Variants in KCND2 observed in about 807,000 individuals in gnomAD.
KCND2 encodes the protein A-type voltage-gated potassium channel KCND2.
In KCND2, 16 loss-of-function variants were observed where a neutral mutation model predicts 54.4. That is an observed-to-expected ratio of 0.29 (90% CI 0.20 to 0.45). The LOEUF is 0.45. Ranked by LOEUF, KCND2 falls within the 20% of genes least tolerant of loss-of-function variation. The pLI is 1.00. For synonymous variants in KCND2, 317 were observed against 310.7 expected (o/e 1.02, Z -0.21); for missense variants, 486 against 824.2 (o/e 0.59, Z 5.02).
intron 1 of KCND2, among the ~76,000 whole-genome samples, chr7:120,466,412 A>G (rs946146692): frequency 1.3e-5 from 2 of 152,142 alleles, no homozygotes; most frequent in Non-Finnish European, 2.9e-5. Flanking sequence ...AGCATAGCCA[A>G]TGATTCTTTT....
At chr7:120,393,557 A>G (rs1182503340) in intron 1 of KCND2, among the ~76,000 whole-genome samples, 1 of 151,946 alleles carries the variant, frequency 6.6e-6, no homozygotes, top group Admixed American at 6.6e-5. Flanking sequence ...TTCATTGTAT[A>G]CCCATGTATC....
chr7:120,440,227 C>G (rs1801928395), intron 1 of KCND2, among the ~76,000 whole-genome samples: 1 of 151,932 alleles, frequency 6.6e-6, no homozygotes, highest in South Asian at 2.1e-4. Flanking sequence ...GTGGTCTTGA[C>G]TTGCGTTTCT....
intron 1 of KCND2, among the ~76,000 whole-genome samples, chr7:120,454,527 C>T (rs1267355954): frequency 6.6e-6 from 1 of 152,128 alleles, no homozygotes; most frequent in Non-Finnish European, 1.5e-5. Context: ...CCTGGACAAA[C>T]CAATAACAAG....
intron 1 of KCND2, among the ~76,000 whole-genome samples, chr7:120,644,539 A>C (rs1207436914): frequency 3.9e-5 from 6 of 152,220 alleles, no homozygotes; most frequent in Non-Finnish European, 5.9e-5. Flanking sequence ...GAAATATAGC[A>C]AAGAAATTAT....
chr7:120,400,541 C>G (rs1047434653), intron 1 of KCND2, among the ~76,000 whole-genome samples: 1 of 152,042 alleles, frequency 6.6e-6, no homozygotes, highest in African/African-American at 2.4e-5. Context: ...AAATGACTGG[C>G]TCCTAGAAAG....
At chr7:120,710,224 AC>A (rs1403613630) in intron 1 of KCND2, among the ~76,000 whole-genome samples, 1 of 152,158 alleles carries the variant, frequency 6.6e-6, no homozygotes, top group African/African-American at 2.4e-5. Context: ...CGCTTTTCAA[AC>A]TTTTATTGTA....
chr7:120,315,571 T>C (rs1799799998), intron 1 of KCND2, among the ~76,000 whole-genome samples: 1 of 152,120 alleles, frequency 6.6e-6, no homozygotes, highest in Non-Finnish European at 1.5e-5. Context: ...ATAACACACG[T>C]AGTGCCTATG....
chr7:120,384,870 C>G (rs984360196), intron 1 of KCND2, among the ~76,000 whole-genome samples: 1 of 151,988 alleles, frequency 6.6e-6, no homozygotes, highest in African/African-American at 2.4e-5. Flanking sequence ...AGGCAAAACT[C>G]TGTTCTTATG....
intron 1 of KCND2, among the ~76,000 whole-genome samples, chr7:120,457,969 A>G (rs1429508429): frequency 1.3e-5 from 2 of 152,196 alleles, no homozygotes; most frequent in Non-Finnish European, 2.9e-5. Flanking sequence ...TCATAGAAGA[A>G]GGGGAAGCAA....
At chr7:120,609,135 T>C (rs926865978) in intron 1 of KCND2, among the ~76,000 whole-genome samples, 4 of 151,890 alleles carry the variant, frequency 2.6e-5, no homozygotes, top group African/African-American at 9.7e-5. Flanking sequence ...TTCTGTACAG[T>C]TAAGAATAAA....
chr7:120,640,324 T>A (rs1361292133), intron 1 of KCND2, among the ~76,000 whole-genome samples: 2 of 152,238 alleles, frequency 1.3e-5, no homozygotes, highest in Admixed American at 6.5e-5. Flanking sequence ...TTGGGCTCAA[T>A]AAATATACGT....
intron 1 of KCND2, among the ~76,000 whole-genome samples, chr7:120,648,640 C>T (rs569609970): frequency 1.3e-5 from 2 of 152,078 alleles, no homozygotes; most frequent in Non-Finnish European, 2.9e-5. Context: ...CTTTGCATTG[C>T]CCATACATAT....
rs1381687288 is a variant in KCND2, at chr7:120,434,425, A to G, written c.1115+158678A>G. On this transcript the variant is annotated intron_variant, in intron 1 of 5. Coordinates refer to ENST00000331113, the MANE Select transcript of KCND2 (RefSeq NM_012281.3). Reference sequence around the variant, plus strand: ...TGCTGGCAGTGTACAGTTTTCTTAGATACCTAGAGCAGCTTAAGAATCCAC... The same window carrying G: ...TGCTGGCAGTGTACAGTTTTCTTAGGTACCTAGAGCAGCTTAAGAATCCAC... Among the ~76,000 whole-genome samples the G allele has an allele frequency of 3.3e-5, 5 of 152,168 alleles. No homozygotes were observed. In the East Asian group the frequency reaches 9.6e-4, roughly 29 times the overall value.
chr7:120,728,677 G>GA (rs1464588296), intron 1 of KCND2, among the ~76,000 whole-genome samples: 1 of 151,842 alleles, frequency 6.6e-6, no homozygotes, highest in Non-Finnish European at 1.5e-5. Flanking sequence ...ATTAAATACA[G>GA]AAAAAATATA....
At chr7:120,626,449 A>G (rs1367333519) in intron 1 of KCND2, among the ~76,000 whole-genome samples, 2 of 152,188 alleles carry the variant, frequency 1.3e-5, no homozygotes, top group African/African-American at 4.8e-5. Flanking sequence ...GGTGATCATA[A>G]TTAGTTGGTA....
At chr7:120,634,883 C>G (rs995844323) in intron 1 of KCND2, among the ~76,000 whole-genome samples, 1 of 152,180 alleles carries the variant, frequency 6.6e-6, no homozygotes, top group Non-Finnish European at 1.5e-5. Context: ...TGCTCCCCAG[C>G]GTTGCTGTCT....
intron 1 of KCND2, among the ~76,000 whole-genome samples, chr7:120,647,943 TG>T (rs2116540324): frequency 6.6e-6 from 1 of 152,350 alleles, no homozygotes; most frequent in Admixed American, 6.5e-5. Context: ...TACACATAGA[TG>T]TGTACAATAG....
At chr7:120,690,339 T>C (rs1792253543) in intron 1 of KCND2, among the ~76,000 whole-genome samples, 1 of 152,240 alleles carries the variant, frequency 6.6e-6, no homozygotes, top group African/African-American at 2.4e-5. Flanking sequence ...TATTACTTTT[T>C]ATGTAATACT....
intron 1 of KCND2, among the ~76,000 whole-genome samples, chr7:120,596,625 A>G (rs1792749056): frequency 6.6e-6 from 1 of 152,224 alleles, no homozygotes; most frequent in African/African-American, 2.4e-5. Flanking sequence ...AAATATTATT[A>G]GGAATCTGGA....
Sources: allele counts gnomAD v4.1 joint callset (sites outside exome capture counted in the v4.1 genomes callset), GRCh38; gene constraint gnomAD v4.1.1; transcripts MANE v1.5; gene names NCBI Gene and HGNC (gene_info 2026-07-23, HGNC 2026-07-21).